The following ANO3 variants were observed in gnomAD, a reference collection of about 807,000 sequenced individuals.
The protein encoded by ANO3 is anoctamin-3.
In ANO3, 99 loss-of-function variants were observed where a neutral mutation model predicts 144.8. That is an observed-to-expected ratio of 0.68 (90% CI 0.58 to 0.81). ANO3 has a LOEUF of 0.81. ANO3 is among the 30% of genes least tolerant of loss of function. The pLI is 0.00. For missense variants in ANO3, 905 were observed against 1,202.2 expected (o/e 0.75, Z 3.66); for synonymous variants, 414 against 392.6 (o/e 1.05, Z -0.64).
intron 1 of ANO3, among the ~76,000 whole-genome samples, chr11:26,201,012 C>T (rs1851682466): frequency 1.3e-5 from 2 of 152,048 alleles, no homozygotes; most frequent in Non-Finnish European, 2.9e-5. Context: ...AGAGTTGATG[C>T]TTGGCATTAA....
At chr11:26,348,880 T>C (rs1461394) in intron 1 of ANO3, among the ~76,000 whole-genome samples, 151,616 of 152,352 alleles carry the variant, frequency 1, 75,443 homozygotes, top group Middle Eastern at 1. Context: ...CACCAGGTAA[T>C]ACAGTCATGT....
intron 1 of ANO3, among the ~76,000 whole-genome samples, chr11:26,338,500 GA>G: frequency 6.6e-6 from 1 of 152,274 alleles, no homozygotes; most frequent in African/African-American, 2.4e-5. Flanking sequence ...CCAAATAAGG[GA>G]ACAAAAGCTG....
At chr11:26,488,631 C>T (rs1047420197) in intron 4 of ANO3, among the ~76,000 whole-genome samples, 16 of 152,084 alleles carry the variant, frequency 1.1e-4, no homozygotes, top group Admixed American at 8.5e-4. Flanking sequence ...TCTTAAAGAT[C>T]GTGCATCTGG....
At chr11:26,248,013 G>A (rs1852838375) in intron 1 of ANO3, among the ~76,000 whole-genome samples, 1 of 151,930 alleles carries the variant, frequency 6.6e-6, no homozygotes, top group East Asian at 2.0e-4. Context: ...TTACAGGCGT[G>A]AGCCAACATA....
intron 1 of ANO3, among the ~76,000 whole-genome samples, chr11:26,380,715 C>G (rs1856566992): frequency 6.6e-6 from 1 of 152,172 alleles, no homozygotes. Flanking sequence ...TATAAGAAGT[C>G]TCACGCCTGT....
At chr11:26,487,743 G>A (rs1389045808) in intron 4 of ANO3, among the ~76,000 whole-genome samples, 2 of 152,176 alleles carry the variant, frequency 1.3e-5, no homozygotes, top group East Asian at 3.9e-4. Flanking sequence ...CAAAGAGACT[G>A]GTGGCATTTC....
chr11:26,378,365 A>G (rs1332960544), intron 1 of ANO3, among the ~76,000 whole-genome samples: 3 of 147,968 alleles, frequency 2.0e-5, no homozygotes, highest in Non-Finnish European at 4.5e-5. Context: ...AAATATCTAT[A>G]TATTATCTAT....
chr11:26,332,461 T>G, intron 1 of ANO3, 140 bp downstream of exon 1: 2 of 590,796 alleles, frequency 3.4e-6, no homozygotes, highest in Non-Finnish European at 5.7e-6. Flanking sequence ...AAAAAAAAAA[T>G]TAAATTCCTC....
Position 26,277,627 on chromosome 11 carries a change from GC to G in ANO3, c.155-32017del, listed in dbSNP as rs1399833873. Among the ~76,000 whole-genome samples the G allele has an allele frequency of 4.6e-5, 7 of 151,962 alleles. No individual in the cohort carries two copies. In the East Asian group the frequency reaches 1.4e-3, roughly 30 times the overall value. On this transcript the variant is annotated intron_variant, in intron 1 of 27. Coordinates refer to the ANO3 transcript ENST00000672621. ...AAGTCATATCTTTTCATAACTACAT[GC>G]TTTCACATAGGCTGTTCCTTCTGCT... is the stretch of plus-strand genomic sequence containing the variant.
At position 26,618,671 on chromosome 11, in the gene ANO3, T is replaced by C. The variant is rs573282327; in HGVS notation, c.1837-5791T>C. 1.3e-4 allele frequency among the ~76,000 whole-genome samples: 20 copies of C among 152,284 alleles called. No homozygotes were observed. In the South Asian group the frequency reaches 4.1e-3, roughly 32 times the overall value. On this transcript the variant is annotated intron_variant, in intron 17 of 26. Transcript: ENST00000256737. Reference sequence around the variant, plus strand: ...TTTTCCATTCTCTTCTTGGCTAAAATTGTCTCTTGCTGCCCCTCTTTCCAA... The same window carrying C: ...TTTTCCATTCTCTTCTTGGCTAAAACTGTCTCTTGCTGCCCCTCTTTCCAA...
At chr11:26,505,758 G>T (rs1415941911) in intron 4 of ANO3, among the ~76,000 whole-genome samples, 2 of 152,034 alleles carry the variant, frequency 1.3e-5, no homozygotes, top group Non-Finnish European at 2.9e-5. Flanking sequence ...GGATCACGAG[G>T]CCAGGAGATC....
chr11:26,480,750 G>T lies in ANO3; in HGVS notation c.432+17602G>T, dbSNP rs187517408. On this transcript the variant is annotated intron_variant, in intron 4 of 26. Coordinates refer to ENST00000256737, the MANE Select transcript of ANO3 (RefSeq NM_031418.4). The stretch of plus-strand genomic sequence containing the variant: ...TTGAACCCAGGAGGTGGAGTTTGCG[G>T]TGAGCTGAGTTCGCTCCACTGCACT... Among the ~76,000 whole-genome samples, 913 of 152,172 alleles carry T rather than the reference G, an allele frequency of 6.0e-3. 1 individual carries two copies. The highest frequency in any genetic ancestry group is 0.014 in the Middle Eastern group (4 of 294).
At chr11:26,295,672 A>G (rs1854072693) in intron 1 of ANO3, among the ~76,000 whole-genome samples, 1 of 152,194 alleles carries the variant, frequency 6.6e-6, no homozygotes, top group Non-Finnish European at 1.5e-5. Flanking sequence ...AAAAGTTCAG[A>G]TGTGAAATAG....
chr11:26,589,877 A>G (rs1198477588), intron 14 of ANO3, among the ~76,000 whole-genome samples: 1 of 152,090 alleles, frequency 6.6e-6, no homozygotes, highest in Non-Finnish European at 1.5e-5. Context: ...GGGATACGCA[A>G]TCTGTATTTC....
At chr11:26,259,753 C>T (rs1180840147) in intron 1 of ANO3, among the ~76,000 whole-genome samples, 1 of 152,082 alleles carries the variant, frequency 6.6e-6, no homozygotes, top group African/African-American at 2.4e-5. Flanking sequence ...TTATCAGTGC[C>T]AGATGAAGAC....
intron 1 of ANO3, among the ~76,000 whole-genome samples, chr11:26,202,841 A>T (rs1263392816): frequency 6.6e-6 from 1 of 152,190 alleles, no homozygotes; most frequent in Middle Eastern, 3.4e-3. Context: ...ATTTATGATT[A>T]TCTTAGGCTA....
intron 3 of ANO3, among the ~76,000 whole-genome samples, chr11:26,462,685 A>G (rs1465313883): frequency 6.6e-6 from 1 of 151,876 alleles, no homozygotes; most frequent in East Asian, 1.9e-4. Flanking sequence ...AGTTCTTACA[A>G]ATGTCACTAT....
intron 4 of ANO3, among the ~76,000 whole-genome samples, chr11:26,488,862 T>C (rs1472458006): frequency 6.6e-6 from 1 of 152,166 alleles, no homozygotes; most frequent in Non-Finnish European, 1.5e-5. Context: ...GGCCAGGTTT[T>C]ATTCCCTTAT....
intron 4 of ANO3, among the ~76,000 whole-genome samples, chr11:26,478,552 C>A (rs757979190): frequency 6.6e-6 from 1 of 152,076 alleles, no homozygotes; most frequent in Non-Finnish European, 1.5e-5. Flanking sequence ...AAGCTGAATT[C>A]CACTCTGAGA....
Sources: gnomAD v4.1 joint callset for allele counts (sites outside exome capture counted in the v4.1 genomes callset) on GRCh38, gnomAD v4.1.1 for gene constraint, MANE v1.5 for transcripts, NCBI Gene and HGNC (gene_info 2026-07-23, HGNC 2026-07-21) for gene names.